UNC5D: variants seen among roughly 807,000 people sequenced by gnomAD.
UNC5D encodes unc-5 netrin receptor D.
Under a neutral mutation model 105.4 loss-of-function variants are expected in UNC5D, and 39 were observed. That is an observed-to-expected ratio of 0.37 (90% CI 0.29 to 0.48). The LOEUF (loss-of-function observed/expected upper bound fraction) is 0.48. Among genes scored for constraint, UNC5D ranks in the 20% least tolerant of loss-of-function variants. UNC5D has a pLI of 0.98. For synonymous variants in UNC5D, 452 were observed against 450.4 expected, an observed-to-expected ratio of 1.00 and a Z score of -0.04; for missense variants, 991 against 1,202.4, an observed-to-expected ratio of 0.82 and a Z score of 2.60.
At chr8:35,748,867 C>A (rs1380908174) in intron 12 of UNC5D, among the ~76,000 whole-genome samples, 172 bp downstream of exon 12, 1 of 152,114 alleles carries the variant, frequency 6.6e-6, no homozygotes, top group African/African-American at 2.4e-5. Context: ...CTTCCCCCCC[C>A]ATTATAATAG....
chr8:35,439,471 A>C (rs184267208), intron 1 of UNC5D, among the ~76,000 whole-genome samples: 1 of 152,132 alleles, frequency 6.6e-6, no homozygotes, highest in Non-Finnish European at 1.5e-5. Context: ...AAATCAACCC[A>C]TTCTAAGTGG....
At chr8:35,565,293 A>T (rs1817260426) in intron 2 of UNC5D, among the ~76,000 whole-genome samples, 1 of 152,146 alleles carries the variant, frequency 6.6e-6, no homozygotes, top group South Asian at 2.1e-4. Context: ...GATTGGGGTA[A>T]GGTGGTAGCT....
chr8:35,788,689 A>AACAC (rs112188484), intron 16 of UNC5D, among the ~76,000 whole-genome samples: 6,401 of 151,238 alleles, frequency 0.042, 433 homozygotes, highest in African/African-American at 0.15. Flanking sequence ...GAAGGCAGAA[A>AACAC]ACACACACAC....
chr8:35,536,304 G>C (rs1037936852), intron 1 of UNC5D, among the ~76,000 whole-genome samples: 2 of 152,118 alleles, frequency 1.3e-5, no homozygotes, highest in Non-Finnish European at 2.9e-5. Context: ...TACCACATCC[G>C]AGCAGGCTCA....
At chr8:35,289,624 T>G (rs150972152) in intron 1 of UNC5D, among the ~76,000 whole-genome samples, 1 of 152,280 alleles carries the variant, frequency 6.6e-6, no homozygotes, top group Non-Finnish European at 1.5e-5. Flanking sequence ...TTAACAAATT[T>G]AAGAGAATGA....
At chr8:35,483,627 A>T (rs758633235) in intron 1 of UNC5D, among the ~76,000 whole-genome samples, 25 of 152,188 alleles carry the variant, frequency 1.6e-4, no homozygotes, top group Non-Finnish European at 2.9e-4. Context: ...TTCTTTCTCC[A>T]AAACTGGACT....
At chr8:35,525,624 C>T (rs1813812792) in intron 1 of UNC5D, 2 of 1,613,400 alleles carry the variant, frequency 1.2e-6, no homozygotes, top group African/African-American at 2.7e-5. Context: ...GGGCTTTCCA[C>T]TGGAAGAGGG....
intron 1 of UNC5D, among the ~76,000 whole-genome samples, chr8:35,513,634 A>G (rs534241471): frequency 6.6e-6 from 1 of 152,182 alleles, no homozygotes; most frequent in East Asian, 1.9e-4. Flanking sequence ...CTTGTCATCT[A>G]ACATACCATA....
intron 1 of UNC5D, among the ~76,000 whole-genome samples, chr8:35,271,743 TTATACATG>T (rs966583181): frequency 7.7e-6 from 1 of 130,646 alleles, no homozygotes; most frequent in African/African-American, 2.9e-5. Context: ...ACATATATAT[TTATACATG>T]TATACATGTA....
chr8:35,697,578 C>G (rs1384701386), intron 7 of UNC5D, among the ~76,000 whole-genome samples: 1 of 152,080 alleles, frequency 6.6e-6, no homozygotes, highest in Non-Finnish European at 1.5e-5. Flanking sequence ...CCACAACATC[C>G]TATGAATTCA....
chr8:35,254,672 T>C (rs549648329), intron 1 of UNC5D: 1 of 152,232 alleles, frequency 6.6e-6, no homozygotes, highest in Non-Finnish European at 1.5e-5. Context: ...CTACTGTCCA[T>C]AGATCTTCTC....
intron 1 of UNC5D, among the ~76,000 whole-genome samples, chr8:35,323,280 A>C (rs1282813803): frequency 6.7e-6 from 1 of 148,644 alleles, no homozygotes; most frequent in African/African-American, 2.5e-5. Context: ...AGTAATCAGG[A>C]TTAAGCTTTT....
chr8:35,276,546 C>T (rs1490436079), intron 1 of UNC5D, among the ~76,000 whole-genome samples: 1 of 152,186 alleles, frequency 6.6e-6, no homozygotes, highest in East Asian at 1.9e-4. Context: ...CTACCTTAAG[C>T]TGATATCATT....
intron 1 of UNC5D, among the ~76,000 whole-genome samples, chr8:35,510,844 T>C (rs573306433): frequency 6.6e-6 from 1 of 152,224 alleles, no homozygotes; most frequent in Non-Finnish European, 1.5e-5. Flanking sequence ...ATGACACATA[T>C]AAATCAATGT....
chr8:35,653,890 A>G (rs1823573920), intron 4 of UNC5D, among the ~76,000 whole-genome samples: 2 of 152,284 alleles, frequency 1.3e-5, no homozygotes, highest in Admixed American at 1.3e-4. Flanking sequence ...CAAATCTGAT[A>G]CTTTGTTGTC....
Position 35,792,995 on chromosome 8 carries a change from A to G in UNC5D, c.*2432A>G, listed in dbSNP as rs1195596456. 8.8e-6 allele frequency: 4 copies of G among 454,220 alleles called. No individual in the cohort carries two copies. The highest frequency in any genetic ancestry group is 7.0e-5 in the East Asian group (1 of 14,370). The allele number at this position is 454,220 out of a possible 1,614,324, so 28.1% of individuals were successfully genotyped here. A position where few individuals can be genotyped will look rare whatever the true frequency, so the allele number is the denominator to read the frequency against. The stretch of plus-strand genomic sequence containing the variant: ...TTTTTTTTCCTTTGGCCTGGGTTTT[A>G]TAAACAACTTGAACATCATATCATA... On this transcript the variant is annotated 3_prime_UTR_variant, in exon 17 of 17. Coordinates refer to ENST00000404895, the MANE Select transcript of UNC5D (RefSeq NM_080872.4).
At chr8:35,571,111 A>G (rs1382255824) in intron 3 of UNC5D, among the ~76,000 whole-genome samples, 2 of 152,156 alleles carry the variant, frequency 1.3e-5, no homozygotes, top group African/African-American at 2.4e-5. Flanking sequence ...TCAGCCTCCC[A>G]AAGTGCTGGG....
intron 1 of UNC5D, among the ~76,000 whole-genome samples, chr8:35,391,619 A>G (rs1419287754): frequency 6.6e-6 from 1 of 152,178 alleles, no homozygotes; most frequent in East Asian, 1.9e-4. Flanking sequence ...ACTATTGGTC[A>G]AGCAAAGCTA....
chr8:35,424,119 G>C (rs1806093340), intron 1 of UNC5D, among the ~76,000 whole-genome samples: 1 of 152,200 alleles, frequency 6.6e-6, no homozygotes, highest in East Asian at 1.9e-4. Context: ...TTAATGCTGA[G>C]GGAGTTTGAG....
Sources: allele counts gnomAD v4.1 joint callset (sites outside exome capture counted in the v4.1 genomes callset), GRCh38; gene constraint gnomAD v4.1.1; transcripts MANE v1.5; gene names NCBI Gene and HGNC (gene_info 2026-07-23, HGNC 2026-07-21).